The following G3BP2 variants were observed in gnomAD, a reference collection of about 807,000 sequenced individuals.
G3BP2 encodes ras GTPase-activating protein-binding protein 2.
Under a neutral mutation model 56.7 loss-of-function variants are expected in G3BP2, and 11 were observed. The ratio of observed to expected loss-of-function variants is 0.19; its 90% confidence interval spans 0.12 to 0.32. The LOEUF (loss-of-function observed/expected upper bound fraction) is 0.32, where lower values mean the gene tolerates loss of function less well. Among genes scored for constraint, G3BP2 ranks in the 10% least tolerant of loss-of-function variants. The pLI is 1.00. For synonymous variants in G3BP2, 165 were observed against 191.6 expected (o/e 0.86, Z 1.15); for missense variants, 340 against 610.9 (o/e 0.56, Z 4.67).
chr4:75,690,357 G>A (rs777028679), intron 3 of G3BP2, among the ~76,000 whole-genome samples: 2 of 151,946 alleles, frequency 1.3e-5, no homozygotes, highest in South Asian at 2.1e-4. Context: ...TTTTGAATCC[G>A]GAAGGCAGAG....
At chr4:75,662,893 G>C (rs1177186203) in intron 1 of G3BP2, among the ~76,000 whole-genome samples, 1 of 152,194 alleles carries the variant, frequency 6.6e-6, no homozygotes, top group Non-Finnish European at 1.5e-5. Flanking sequence ...AACACTCATG[G>C]CAAAGCACCA....
chr4:75,678,677 C>T (rs1202396397), intron 3 of G3BP2, among the ~76,000 whole-genome samples: 2 of 152,174 alleles, frequency 1.3e-5, no homozygotes, highest in African/African-American at 4.8e-5. Flanking sequence ...ATCTGGGCTC[C>T]AGAACCACAC....
At chr4:75,667,905 G>A (rs1465475536) in intron 1 of G3BP2, among the ~76,000 whole-genome samples, 1 of 152,036 alleles carries the variant, frequency 6.6e-6, no homozygotes, top group Non-Finnish European at 1.5e-5. Flanking sequence ...ACAAAAAACC[G>A]AAAACATTAT....
upstream of G3BP2, among the ~76,000 whole-genome samples, chr4:75,674,462 C>T (rs1385239711): frequency 1.3e-5 from 2 of 151,854 alleles, no homozygotes; most frequent in Non-Finnish European, 2.9e-5. Flanking sequence ...TTAGGGCCTC[C>T]AAAGTCTACA....
intron 3 of G3BP2, among the ~76,000 whole-genome samples, chr4:75,708,587 G>T (rs1384867080): frequency 6.6e-6 from 1 of 152,220 alleles, no homozygotes; most frequent in Non-Finnish European, 1.5e-5. Flanking sequence ...TAATTTGTGA[G>T]ACCTGAGGAG....
At chr4:75,721,001 C>T (rs1010063413) in intron 2 of G3BP2, among the ~76,000 whole-genome samples, 5 of 147,016 alleles carry the variant, frequency 3.4e-5, no homozygotes, top group Admixed American at 6.8e-5. Context: ...AAAAATTAGC[C>T]AGGCATGATG....
At chr4:75,705,532 G>A (rs1719512784) in intron 3 of G3BP2, among the ~76,000 whole-genome samples, 1 of 152,176 alleles carries the variant, frequency 6.6e-6, no homozygotes. Context: ...TCAGGGAGTG[G>A]GTTGGGAGAG....
intron 1 of G3BP2, among the ~76,000 whole-genome samples, chr4:75,670,132 G>T (rs1733371526): frequency 6.6e-6 from 1 of 152,178 alleles, no homozygotes; most frequent in Admixed American, 6.5e-5. Flanking sequence ...TGTTACCAAA[G>T]GTTATGTGGG....
intron 3 of G3BP2, among the ~76,000 whole-genome samples, chr4:75,716,860 G>A (rs1047402299): frequency 3.9e-5 from 6 of 152,142 alleles, no homozygotes; most frequent in African/African-American, 9.7e-5. Context: ...GTGTTTGTGC[G>A]ATCCTGTAAG....
intron 8 of G3BP2, among the ~76,000 whole-genome samples, chr4:75,650,035 TAAAA>T (rs1731552109): frequency 1.3e-5 from 2 of 151,348 alleles, no homozygotes; most frequent in South Asian, 4.2e-4. Flanking sequence ...AGTAAATAAA[TAAAA>T]AAGTGGTCAT....
At chr4:75,663,102 A>G (rs1732698869) in intron 1 of G3BP2, among the ~76,000 whole-genome samples, 1 of 152,240 alleles carries the variant, frequency 6.6e-6, no homozygotes. Flanking sequence ...GAAATACTCT[A>G]GTGAACAAGA....
At chr4:75,694,039 C>G (rs1190818745) in intron 3 of G3BP2, among the ~76,000 whole-genome samples, 1 of 152,126 alleles carries the variant, frequency 6.6e-6, no homozygotes, top group Non-Finnish European at 1.5e-5. Flanking sequence ...CTATGCCCAG[C>G]CATATCTGAG....
At position 75,672,906 on chromosome 4, in the gene G3BP2, C is replaced by G. The variant is rs146756302; in HGVS notation, c.-25+302G>C. 5.8e-4 allele frequency: 388 copies of G among 663,964 alleles called. 1 individual carries two copies. In the African/African-American group the frequency reaches 6.6e-3, roughly 11 times the overall value. 41.1% of individuals were successfully genotyped at this position (663,964 alleles called of 1,614,324 possible). A position where few individuals can be genotyped will look rare whatever the true frequency, so the allele number is the denominator to read the frequency against. On this transcript the variant is annotated intron_variant, in intron 1 of 11. Transcript: ENST00000359707. ...GGGAGCTGCTGCGTGCCTCCCCCCC[C>G]ACTTCGCCACCTCATCCCCAATAAA... is the stretch of plus-strand genomic sequence containing the variant.
At chr4:75,696,516 GGT>G (rs1719126894) in intron 3 of G3BP2, among the ~76,000 whole-genome samples, 1 of 152,170 alleles carries the variant, frequency 6.6e-6, no homozygotes, top group Non-Finnish European at 1.5e-5. Context: ...AAAGCATCAT[GGT>G]GTCCATGGTT....
At chr4:75,697,439 T>C (rs955382217) in intron 3 of G3BP2, among the ~76,000 whole-genome samples, 2 of 151,978 alleles carry the variant, frequency 1.3e-5, no homozygotes, top group African/African-American at 4.8e-5. Flanking sequence ...TTATTTAAGT[T>C]TGGTGATGGG....
chr4:75,705,436 T>C (rs943751887), intron 3 of G3BP2, among the ~76,000 whole-genome samples: 2 of 152,254 alleles, frequency 1.3e-5, no homozygotes, highest in African/African-American at 2.4e-5. Context: ...TACTTTCCAG[T>C]GGATTTTCCT....
chr4:75,702,858 G>A (rs976261533), intron 3 of G3BP2, among the ~76,000 whole-genome samples: 7 of 152,158 alleles, frequency 4.6e-5, no homozygotes, highest in African/African-American at 9.7e-5. Flanking sequence ...TCAACAGAAG[G>A]AGTCAGTGAG....
intron 8 of G3BP2, among the ~76,000 whole-genome samples, chr4:75,652,371 C>G (rs923205547): frequency 1.3e-5 from 2 of 152,106 alleles, no homozygotes; most frequent in South Asian, 2.1e-4. Context: ...GCCTGTAATC[C>G]CCACCGTTTG....
chr4:75,683,269 A>G (rs956584429), intron 3 of G3BP2, among the ~76,000 whole-genome samples: 1 of 152,062 alleles, frequency 6.6e-6, no homozygotes, highest in African/African-American at 2.4e-5. Flanking sequence ...GGTCCTCAGA[A>G]TAAAGATGTA....
Sources: gnomAD v4.1 joint callset for allele counts (sites outside exome capture counted in the v4.1 genomes callset) on GRCh38, gnomAD v4.1.1 for gene constraint, MANE v1.5 for transcripts, NCBI Gene and HGNC (gene_info 2026-07-23, HGNC 2026-07-21) for gene names.